The following ZFYVE16 variants were observed in gnomAD, a reference collection of about 807,000 sequenced individuals.
The protein encoded by ZFYVE16 is zinc finger FYVE domain-containing protein 16.
ZFYVE16 carries 89 observed loss-of-function variants against 138.1 expected under a neutral mutation model. That is an observed-to-expected ratio of 0.64 (90% CI 0.54 to 0.77). ZFYVE16 has a LOEUF of 0.77. Among genes scored for constraint, ZFYVE16 ranks in the 30% least tolerant of loss-of-function variants. The pLI is 0.00. For missense variants in ZFYVE16, 1,793 were observed against 1,786.7 expected (o/e 1.00, Z -0.06); for synonymous variants, 596 against 618.3 (o/e 0.96, Z 0.53).
At chr5:80,441,603 A>T in intron 5 of ZFYVE16, 2 of 985,388 alleles carry the variant, frequency 2.0e-6, no homozygotes, top group Non-Finnish European at 2.4e-6. Context: ...GCCATGAAGG[A>T]TTGGAAGAAA....
At chr5:80,476,880 C>T (rs1580385129) in intron 18 of ZFYVE16, among the ~76,000 whole-genome samples, 1 of 152,044 alleles carries the variant, frequency 6.6e-6, no homozygotes, top group East Asian at 1.9e-4. Flanking sequence ...TGAAATATTT[C>T]AAGTAGATTT....
chr5:80,426,083 A>C (rs888847934), intron 1 of ZFYVE16, among the ~76,000 whole-genome samples: 1 of 152,046 alleles, frequency 6.6e-6, no homozygotes, highest in Non-Finnish European at 1.5e-5. Context: ...ACAAAGCTTT[A>C]TTGAAATATA....
chr5:80,449,617 C>A lies in ZFYVE16; in HGVS notation c.3130C>A (p.His1044Asn). Residue 1044 changes from histidine (H) to asparagine (N), a missense_variant, in exon 9 of 19, where the codon CAT (histidine) becomes AAT (asparagine). Coordinates refer to ENST00000505560, the MANE Select transcript of ZFYVE16 (RefSeq NM_001284236.3). The stretch of plus-strand genomic sequence containing the variant: ...GCCTGTAGTAGAAGAACATCCATCT[C>A]ATGAGCAGATCATTTTGCTTCTTGA... ...SVPVVEEHPS[H>N]EQIILLLEGE... The A allele has an allele frequency of 6.2e-7, 1 of 1,611,130 alleles. No individual in the cohort carries two copies. The highest frequency in any genetic ancestry group is 2.2e-5 in the East Asian group (1 of 44,568).
chr5:80,455,623 A>C, intron 11 of ZFYVE16, 69 bp from the exon 12 acceptor site: 1 of 1,153,150 alleles, frequency 8.7e-7, no homozygotes, highest in Admixed American at 1.8e-5. Flanking sequence ...ATGAGAGTTG[A>C]AGGTAATAAA....
At chr5:80,453,044 T>C (rs1234985451) in intron 11 of ZFYVE16, among the ~76,000 whole-genome samples, 2 of 152,216 alleles carry the variant, frequency 1.3e-5, no homozygotes, top group African/African-American at 2.4e-5. Flanking sequence ...TTGATTCTAA[T>C]ATAATTTGGT....
intron 11 of ZFYVE16, 66 bp from the exon 12 acceptor site, chr5:80,455,626 G>A (rs1244646605): frequency 2.5e-6 from 3 of 1,190,286 alleles, no homozygotes; most frequent in Non-Finnish European, 3.7e-6. Context: ...AGAGTTGAAG[G>A]TAATAAATTC....
At chr5:80,433,351 A>G (rs1461350364) in intron 2 of ZFYVE16, among the ~76,000 whole-genome samples, 1 of 152,078 alleles carries the variant, frequency 6.6e-6, no homozygotes, top group East Asian at 1.9e-4. Context: ...AAAACCAAAC[A>G]CCGCATATTC....
intron 10 of ZFYVE16, among the ~76,000 whole-genome samples, chr5:80,450,910 C>G (rs1371696858): frequency 6.8e-6 from 1 of 147,734 alleles, no homozygotes; most frequent in Non-Finnish European, 1.5e-5. Flanking sequence ...TTCCCGGGTT[C>G]AAGCGATTCT....
intron 1 of ZFYVE16, among the ~76,000 whole-genome samples, chr5:80,418,301 G>GCCCTC (rs1374790700): frequency 3.4e-5 from 1 of 29,690 alleles, no homozygotes; most frequent in Non-Finnish European, 6.8e-5. Context: ...CCCCTCCCCT[G>GCCCTC]CCCTCCCCTC....
chr5:80,449,788 T>A (rs918754631), intron 9 of ZFYVE16, 75 bp downstream of exon 9: 1 of 1,431,194 alleles, frequency 7.0e-7, no homozygotes, highest in Non-Finnish European at 9.4e-7. Context: ...CAGGTTAGAT[T>A]TTGACTGGCC....
chr5:80,450,321 T>C, intron 9 of ZFYVE16, 110 bp from the exon 10 acceptor site: 1 of 1,072,586 alleles, frequency 9.3e-7, no homozygotes, highest in Non-Finnish European at 1.4e-6. Flanking sequence ...TAAGGAGAAC[T>C]TTGGGAACAC....
rs1750280492 is a variant in ZFYVE16 at position 80,438,619 on chromosome 5, G to A, written c.1934G>A (p.Gly645Glu). The A allele has an allele frequency of 1.2e-6, 2 of 1,614,088 alleles. No individual in the cohort carries two copies. The highest frequency in any genetic ancestry group is 2.7e-5 in the African/African-American group (2 of 75,030). Reference protein sequence around the residue: ...SVSDINSQSVGGARPKQLFSL... With the variant: ...SVSDINSQSVEGARPKQLFSL... ...TCTGATATTAACAGTCAATCTGTTGGAGGGGCCAGACCTAAGCAATTGTTT... is the reference window on the plus strand; with the variant it reads ...TCTGATATTAACAGTCAATCTGTTGAAGGGGCCAGACCTAAGCAATTGTTT... Residue 645 changes from glycine to glutamate, a missense_variant, in exon 4 of 19, where the codon GGA (glycine) becomes GAA (glutamate). Physicochemically the swap from Gly to Glu is moderately conservative, Grantham distance 98 (BLOSUM62 -2). This residue lies in a region of ZFYVE16 where 1,295 missense variants were observed against 1,204.3 expected (regional missense o/e 1.08). Transcript: ENST00000505560.
At position 80,437,322 on chromosome 5, in the gene ZFYVE16, A is replaced by G. The variant is rs1287931510; in HGVS notation, c.637A>G (p.Thr213Ala). Residue 213 changes from threonine (T) to alanine (A), a missense_variant, in exon 4 of 19, where the codon ACA (threonine) becomes GCA (alanine). This residue lies in a region of ZFYVE16 where 1,295 missense variants were observed against 1,204.3 expected (regional missense o/e 1.08). Coordinates refer to ENST00000505560, the MANE Select transcript of ZFYVE16 (RefSeq NM_001284236.3). ...GIKELGIKVD[T>A]TLSDSYNYSG... ...CAAAGAATTGGGTATAAAAGTAGAT[A>G]CAACACTTTCAGATTCCTATAATTA... 1 of 1,603,048 alleles carries G rather than the reference A, an allele frequency of 6.2e-7. No homozygotes were observed. Among genetic ancestry groups the G allele is most frequent in the African/African-American group, 1.3e-5 (1 of 74,224 alleles).
At chr5:80,476,434 T>C (rs919490565) in intron 18 of ZFYVE16, among the ~76,000 whole-genome samples, 2 of 152,212 alleles carry the variant, frequency 1.3e-5, no homozygotes, top group African/African-American at 4.8e-5. Flanking sequence ...AGTGTTGAGA[T>C]TGTAGGCATG....
rs756923246 is a variant in ZFYVE16, at chr5:80,473,755, G to A, written c.4189G>A (p.Val1397Ile). Residue 1397 changes from valine to isoleucine, a missense_variant and splice_region_variant, in exon 17 of 19, where the codon GTT (valine) becomes ATT (isoleucine). Val to Ile is a conservative substitution (Grantham distance 29, BLOSUM62 3). Coordinates refer to ENST00000505560, the MANE Select transcript of ZFYVE16 (RefSeq NM_001284236.3). ...VDAEEKGNKGVISSVDGISLQ... is the reference protein window; with the variant it reads ...VDAEEKGNKGIISSVDGISLQ... ...ATTGTATTATGTTTTATTTCATAGA[G>A]TTATCAGTTCAGTGGATGGAATATC... 1.1e-5 allele frequency: 17 copies of A among 1,597,622 alleles called. No individual in the cohort carries two copies. The African/African-American group carries it at 1.3e-4, about 13-fold the overall frequency.
chr5:80,436,011 C>CT (rs1232702033), intron 3 of ZFYVE16, among the ~76,000 whole-genome samples: 1 of 152,182 alleles, frequency 6.6e-6, no homozygotes. Context: ...GAAGAAGGTG[C>CT]TTCTCCTTTG....
At chr5:80,422,244 T>C (rs929052826) in intron 1 of ZFYVE16, among the ~76,000 whole-genome samples, 9 of 152,172 alleles carry the variant, frequency 5.9e-5, no homozygotes, top group Admixed American at 5.2e-4. Flanking sequence ...TCTTGTCTTA[T>C]TGCGCTAGCC....
chr5:80,414,036 T>A (rs956340998), intron 1 of ZFYVE16, among the ~76,000 whole-genome samples: 1 of 152,252 alleles, frequency 6.6e-6, no homozygotes, highest in African/African-American at 2.4e-5. Context: ...ATGTAAATAT[T>A]GTATGTAGCT....
intron 7 of ZFYVE16, among the ~76,000 whole-genome samples, chr5:80,447,305 A>C (rs957849438): frequency 2.0e-5 from 3 of 149,810 alleles, no homozygotes; most frequent in African/African-American, 7.3e-5. Context: ...GAAAAGATGA[A>C]TATTTATCAG....
Sources: gnomAD v4.1 joint callset for allele counts (sites outside exome capture counted in the v4.1 genomes callset) on GRCh38, gnomAD v4.1.1 for gene constraint, gnomAD v4.1.1 regional missense constraint, MANE v1.5 for transcripts, NCBI Gene and HGNC (gene_info 2026-07-23, HGNC 2026-07-21) for gene names.